RIPK1: variants seen among roughly 807,000 people sequenced by gnomAD.
The protein encoded by RIPK1 is receptor interacting serine/threonine kinase 1.
In RIPK1, 27 loss-of-function variants were observed where a neutral mutation model predicts 62.4. The observed-to-expected ratio is 0.43, with a 90% confidence interval of 0.32 to 0.60. The LOEUF (loss-of-function observed/expected upper bound fraction) is 0.60. Among genes scored for constraint, RIPK1 ranks in the 20% least tolerant of loss-of-function variants. The pLI, the probability that RIPK1 is intolerant of heterozygous loss-of-function variation, is 0.07. For missense variants in RIPK1, 735 were observed against 831.0 expected (o/e 0.88, Z 1.42); for synonymous variants, 287 against 303.2 (o/e 0.95, Z 0.55).
chr6:3,073,002 C>G (rs991933932), intron 1 of RIPK1, among the ~76,000 whole-genome samples: 2 of 152,072 alleles, frequency 1.3e-5, no homozygotes, highest in Non-Finnish European at 2.9e-5. Flanking sequence ...TTCTCAAAGC[C>G]CAAGGAAACA....
intron 9 of RIPK1, among the ~76,000 whole-genome samples, chr6:3,109,000 C>T (rs1761013607): frequency 6.6e-6 from 1 of 152,164 alleles, no homozygotes; most frequent in South Asian, 2.1e-4. Context: ...TTCTCAACCA[C>T]CTTCTCTCTC....
chr6:3,078,032 C>A lies in RIPK1; in HGVS notation c.321+97C>A, dbSNP rs6907943. 1,193,494 of 1,297,158 alleles carry A rather than the reference C, an allele frequency of 0.92. 551,178 individuals carry two copies. Among genetic ancestry groups the A allele is most frequent in the Non-Finnish European group, 0.94 (889,319 of 944,684 alleles). 80.4% of individuals were successfully genotyped at this position (1,297,158 alleles called of 1,614,324 possible). On this transcript the variant is annotated intron_variant, in intron 3 of 10. Coordinates refer to ENST00000259808, the MANE Select transcript of RIPK1 (RefSeq NM_001354930.2). ...GTGTTTGTTTGCAGCTCGTTAGCATCAAATTTGCAAATTGCTTGGTAGTTT... is the reference window on the plus strand; with the variant it reads ...GTGTTTGTTTGCAGCTCGTTAGCATAAAATTTGCAAATTGCTTGGTAGTTT...
chr6:3,084,514 G>C (rs565780068), intron 5 of RIPK1, among the ~76,000 whole-genome samples: 14 of 151,050 alleles, frequency 9.3e-5, no homozygotes, highest in African/African-American at 3.4e-4. Flanking sequence ...TTCTTTACCT[G>C]CTAATTTTTC....
intron 6 of RIPK1, among the ~76,000 whole-genome samples, chr6:3,086,686 C>T (rs9392453): frequency 0.73 from 110,510 of 152,210 alleles, 45,891 homozygotes; most frequent in Non-Finnish European, 0.93. Flanking sequence ...CAAGACACAC[C>T]GCATTCCAGT....
rs772551287 is a variant in RIPK1 at position 3,089,614 on chromosome 6, G to A, written c.872G>A (p.Ser291Asn). 1 of 1,582,612 alleles carries A rather than the reference G, an allele frequency of 6.3e-7. No homozygotes were observed. Among genetic ancestry groups the A allele is most frequent in the South Asian group, 1.1e-5 (1 of 88,494 alleles). ...IEEKFRPFYLSQLEESVEEDV... is the reference protein window; with the variant it reads ...IEEKFRPFYLNQLEESVEEDV... ...GAAAAATTTAGGCCTTTTTATTTAAGTCAATTAGAAGAAAGTGTAGAAGAG... is the reference window on the plus strand; with the variant it reads ...GAAAAATTTAGGCCTTTTTATTTAAATCAATTAGAAGAAAGTGTAGAAGAG... Residue 291 changes from serine to asparagine, a missense_variant, in exon 7 of 11, where the codon AGT (serine) becomes AAT (asparagine). Physicochemically the swap from Ser to Asn is conservative, Grantham distance 46. Around this residue, in one of 2 missense-constraint regions of RIPK1, gnomAD observed 671 missense variants for 726.2 expected, o/e 0.92. Coordinates refer to ENST00000259808, the MANE Select transcript of RIPK1 (RefSeq NM_001354930.2).
At position 3,105,659 on chromosome 6, in the gene RIPK1, C is replaced by G; in HGVS notation, c.1184C>G (p.Thr395Arg). 2 of 1,613,796 alleles carry G rather than the reference C, an allele frequency of 1.2e-6. No individual in the cohort carries two copies. The highest frequency in any genetic ancestry group is 1.7e-6 in the Non-Finnish European group (2 of 1,179,846). The change falls in exon 9 of 11, where the codon ACG (threonine) becomes AGG (arginine). Residue 395 changes from threonine to arginine, a missense_variant. By Grantham distance (71) the Thr-to-Arg change is moderately conservative. Transcript: ENST00000259808. This position sits in a 1 kb window ranked among gnomAD's most constrained non-coding sequence, Gnocchi z 4.5. ...TATGGCAGCCGCATGGACAGGCAGA[C>G]GAAACAGCAGCCCAGACAGAATGTG... ...HLYGSRMDRQ[T>R]KQQPRQNVAY...
chr6:3,074,858 T>G (rs1031179512), intron 1 of RIPK1, among the ~76,000 whole-genome samples: 1 of 152,128 alleles, frequency 6.6e-6, no homozygotes, highest in Non-Finnish European at 1.5e-5. Flanking sequence ...ATTTTTGTAT[T>G]TTTAGTAGAG....
chr6:3,070,168 T>A (rs113718461), intron 1 of RIPK1, among the ~76,000 whole-genome samples: 97 of 152,330 alleles, frequency 6.4e-4, no homozygotes, highest in African/African-American at 2.3e-3. Flanking sequence ...CTGTCTGAAC[T>A]ATACTGAGCC....
Position 3,114,146 on chromosome 6 carries a change from C to T in RIPK1, c.*807C>T, listed in dbSNP as rs1038417295. ...GTTGTTGCAAGGAATTGGTACTAAC[C>T]GTGACTACAACAAAAATTCTTGATT... On this transcript the variant is annotated 3_prime_UTR_variant, in exon 11 of 11. Coordinates refer to ENST00000259808, the MANE Select transcript of RIPK1 (RefSeq NM_001354930.2). This position sits in a 1 kb window ranked among gnomAD's most constrained non-coding sequence, Gnocchi z 5.0. 6.6e-6 allele frequency: 1 copy of T among 152,148 alleles called. No individual in the cohort carries two copies. The highest frequency in any genetic ancestry group is 2.4e-5 in the African/African-American group (1 of 41,426). 9.4% of individuals were successfully genotyped at this position (152,148 alleles called of 1,614,324 possible). A position where few individuals can be genotyped will look rare whatever the true frequency, so the allele number is the denominator to read the frequency against.
At chr6:3,089,681 AAAT>A in intron 7 of RIPK1, 24 bp downstream of exon 7, 1 of 1,222,388 alleles carries the variant, frequency 8.2e-7, no homozygotes, top group Non-Finnish European at 1.2e-6. Context: ...CAGATGCTCA[AAAT>A]ATTAACATAG....
At chr6:3,080,037 G>GT (rs1181255856) in intron 3 of RIPK1, among the ~76,000 whole-genome samples, 3 of 152,160 alleles carry the variant, frequency 2.0e-5, no homozygotes, top group Non-Finnish European at 4.4e-5. Flanking sequence ...TTACTCAGAA[G>GT]TTTTTCCTAA....
chr6:3,114,632 T>C lies in RIPK1; in HGVS notation c.*1293T>C, dbSNP rs892140459. ...CTGATAACAGTGTTGTTGATTCTGATTGTGAATCCCCTCAACTCTAGCAGA... is the reference window on the plus strand; with the variant it reads ...CTGATAACAGTGTTGTTGATTCTGACTGTGAATCCCCTCAACTCTAGCAGA... On this transcript the variant is annotated 3_prime_UTR_variant, in exon 11 of 11. Transcript: ENST00000259808. The surrounding 1 kb of genome is among the most constrained non-coding windows in gnomAD (Gnocchi z 5.0). 1 of 152,222 alleles carries C rather than the reference T, an allele frequency of 6.6e-6. No individual in the cohort carries two copies. Among genetic ancestry groups the C allele is most frequent in the East Asian group, 1.9e-4 (1 of 5,194 alleles). The allele number at this position is 152,222 out of a possible 1,614,324, so 9.4% of individuals were successfully genotyped here. A position where few individuals can be genotyped will look rare whatever the true frequency, so the allele number is the denominator to read the frequency against.
chr6:3,081,712 C>T (rs928052374), intron 4 of RIPK1, among the ~76,000 whole-genome samples: 5 of 151,770 alleles, frequency 3.3e-5, no homozygotes, highest in African/African-American at 1.2e-4. Flanking sequence ...AATACAAAAT[C>T]AGCCGGGCGT....
rs867274825 is a variant in RIPK1 at position 3,081,889 on chromosome 6, A to T, written c.459+773A>T. On this transcript the variant is annotated intron_variant, in intron 4 of 10. Coordinates refer to ENST00000259808, the MANE Select transcript of RIPK1 (RefSeq NM_001354930.2). ...AAAAAAAAAAAAAAAAAAAAAAAAA[A>T]AAAAAAAAAAAAAAAATCAGCAGTG... 2.5e-3 allele frequency among the ~76,000 whole-genome samples: 364 copies of T among 146,562 alleles called. 6 individuals are homozygous for T. The highest frequency in any genetic ancestry group is 8.9e-3 in the African/African-American group (341 of 38,492).
chr6:3,076,132 A>G (rs898806107), intron 1 of RIPK1, among the ~76,000 whole-genome samples: 8 of 152,200 alleles, frequency 5.3e-5, no homozygotes, highest in Admixed American at 2.6e-4. Context: ...GAGTTTTGGT[A>G]TGCATTTCAA....
chr6:3,077,819 A>G lies in RIPK1; in HGVS notation c.205A>G (p.Arg69Gly). ...ALLEEAKMMN[R>G]LRHSRVVKLL... The stretch of plus-strand genomic sequence containing the variant: ...CTTGGAGGAGGCGAAGATGATGAAC[A>G]GACTGAGACACAGCCGGGTGGTGAA... Residue 69 changes from arginine (R) to glycine (G), a missense_variant, in exon 3 of 11, where the codon AGA becomes GGA. Around this residue, in one of 2 missense-constraint regions of RIPK1, gnomAD observed 671 missense variants for 726.2 expected, o/e 0.92. Coordinates refer to ENST00000259808, the MANE Select transcript of RIPK1 (RefSeq NM_001354930.2). The G allele has an allele frequency of 6.2e-7, 1 of 1,614,224 alleles. No homozygotes were observed. Among genetic ancestry groups the G allele is most frequent in the Non-Finnish European group, 8.5e-7 (1 of 1,180,028 alleles).
intron 4 of RIPK1, among the ~76,000 whole-genome samples, chr6:3,082,588 T>C (rs1337885233): frequency 1.3e-5 from 2 of 152,206 alleles, no homozygotes; most frequent in Non-Finnish European, 2.9e-5. Flanking sequence ...GCAGTCCTTA[T>C]CCTCAGTGTG....
intron 7 of RIPK1, among the ~76,000 whole-genome samples, chr6:3,096,140 C>T (rs1760278359): frequency 6.6e-6 from 1 of 152,166 alleles, no homozygotes; most frequent in Admixed American, 6.5e-5. Flanking sequence ...GTCCAGCCCA[C>T]CTTTCTCTGA....
At chr6:3,104,121 G>A (rs1254798880) in intron 7 of RIPK1, 104 bp from the exon 8 acceptor site, 1 of 596,800 alleles carries the variant, frequency 1.7e-6, no homozygotes, top group Middle Eastern at 4.5e-4. Context: ...TAAGATCTGT[G>A]TGAAATTTCT....
Sources: gnomAD v4.1 joint callset for allele counts (sites outside exome capture counted in the v4.1 genomes callset) on GRCh38, gnomAD v4.1.1 for gene constraint, gnomAD v4.1.1 regional missense constraint, Gnocchi (gnomAD v3.1) non-coding constraint, MANE v1.5 for transcripts, NCBI Gene and HGNC (gene_info 2026-07-23, HGNC 2026-07-21) for gene names.